The following AEBP1 variants were observed in gnomAD, a reference collection of about 807,000 sequenced individuals.
AEBP1 encodes the protein AE binding protein 1, also known as adipocyte enhancer-binding protein 1.
In AEBP1, 69 loss-of-function variants were observed where a neutral mutation model predicts 116.5. That is an observed-to-expected ratio of 0.59 (90% confidence interval 0.49 to 0.72). AEBP1 has a LOEUF of 0.72. Ranked by LOEUF, AEBP1 falls within the 30% of genes least tolerant of loss-of-function variation. AEBP1 has a pLI of 0.00. For missense variants in AEBP1, 1,444 were observed against 1,557.5 expected, an observed-to-expected ratio of 0.93 and a Z score of 1.23; for synonymous variants, 627 against 627.3, an observed-to-expected ratio of 1.00 and a Z score of 0.01.
chr7:44,104,650 C>A lies in AEBP1; in HGVS notation c.-16C>A, dbSNP rs1441482110. 14 of 1,445,240 alleles carry A rather than the reference C, an allele frequency of 9.7e-6. No homozygotes were observed. The highest frequency in any genetic ancestry group is 3.0e-5 in the African/African-American group (2 of 66,826). The allele number at this position is 1,445,240 out of a possible 1,614,324, so 89.5% of individuals were successfully genotyped here. A position where few individuals can be genotyped will look rare whatever the true frequency, so the allele number is the denominator to read the frequency against. On this transcript the variant is annotated 5_prime_UTR_variant, in exon 1 of 21. Coordinates refer to ENST00000223357, the MANE Select transcript of AEBP1 (RefSeq NM_001129.5). The stretch of plus-strand genomic sequence containing the variant: ...CCCCCGCGCCCTCCCCGGAGCCCCC[C>A]GCGCGTGCCGCGGCCATGGCGGCCG...
chr7:44,106,830 G>C lies in AEBP1; in HGVS notation c.538G>C (p.Glu180Gln), dbSNP rs1286964324. 1 of 1,608,476 alleles carries C rather than the reference G, an allele frequency of 6.2e-7. No homozygotes were observed. The stretch of plus-strand genomic sequence containing the variant: ...CATTCTGGCTCCCTCAGAAACCCTG[G>C]AGTGGCCACTGCCCCCACCCCCCAG... ...PPILAPSETL[E>Q]WPLPPPPSPG... The change falls in exon 2 of 21, where the codon GAG (glutamate) becomes CAG (glutamine). Residue 180 changes from glutamate (E) to glutamine (Q), a missense_variant. Transcript: ENST00000223357.
chr7:44,113,926 A>G lies in AEBP1; in HGVS notation c.3142A>G (p.Thr1048Ala). 14 of 1,613,544 alleles carry G rather than the reference A, an allele frequency of 8.7e-6. No individual in the cohort carries two copies. Among genetic ancestry groups the G allele is most frequent in the Non-Finnish European group, 1.2e-5 (14 of 1,179,914 alleles). The change falls in exon 21 of 21, where the codon ACT becomes GCT. Residue 1048 changes from threonine to alanine, a missense_variant. Physicochemically the swap from Thr to Ala is moderately conservative, Grantham distance 58. Coordinates refer to ENST00000223357, the MANE Select transcript of AEBP1 (RefSeq NM_001129.5). The surrounding 1 kb of genome is among the most constrained non-coding windows in gnomAD (Gnocchi z 5.3). ...CGCCACCACCACCCTAGGCCCCCAC[A>G]CTGTGCCTCCCACGCTGCCCCCTGC... ...LNATTTLGPHTVPPTLPPAPA... is the reference protein window; with the variant it reads ...LNATTTLGPHAVPPTLPPAPA...
chr7:44,112,003 C>A lies in AEBP1; in HGVS notation c.1990C>A (p.Leu664Met). The A allele has an allele frequency of 6.2e-7, 1 of 1,613,794 alleles. No homozygotes were observed. The highest frequency in any genetic ancestry group is 8.5e-7 in the Non-Finnish European group (1 of 1,179,996). Residue 664 changes from leucine to methionine, a missense_variant, in exon 16 of 21, where the codon CTG becomes ATG. Transcript: ENST00000223357. This position sits in a 1 kb window ranked among gnomAD's most constrained non-coding sequence, Gnocchi z 6.6. ...RSLVQDTRIH[L>M]VPSLNPDGYE... ...CCTGGTGCAGGACACACGCATCCAC[C>A]TGGTGCCCTCACTGAACCCTGATGG...
At chr7:44,106,466 G>C (rs886975782) in intron 1 of AEBP1, 80 bp from the exon 2 acceptor site, 1 of 1,383,022 alleles carries the variant, frequency 7.2e-7, no homozygotes, top group South Asian at 1.4e-5. Context: ...CTGTGCCCAG[G>C]TTCTGGGCAT....
rs2096230276 is a variant in AEBP1 at position 44,112,226 on chromosome 7, G to A, written c.2122G>A (p.Val708Met). The A allele has an allele frequency of 2.5e-6, 4 of 1,609,156 alleles. No individual in the cohort carries two copies. Among genetic ancestry groups the A allele is most frequent in the Non-Finnish European group, 8.5e-7 (1 of 1,176,140 alleles). Residue 708 changes from valine (V) to methionine (M), a missense_variant, in exon 17 of 21, where the codon GTG becomes ATG. Coordinates refer to ENST00000223357, the MANE Select transcript of AEBP1 (RefSeq NM_001129.5). This position sits in a 1 kb window ranked among gnomAD's most constrained non-coding sequence, Gnocchi z 6.6. The stretch of plus-strand genomic sequence containing the variant: ...TGAAGATTTCCCGGATCTCAACTCT[G>A]TGCTCTGGGGAGCTGAGGAGAGGAA... ...IFEDFPDLNS[V>M]LWGAEERKWV... is the part of the protein sequence containing the mutation.
At chr7:44,106,935 G>T in intron 2 of AEBP1, 48 bp downstream of exon 2, 2 of 1,403,362 alleles carry the variant, frequency 1.4e-6, no homozygotes, top group African/African-American at 1.5e-5. Context: ...CTGCCTGCTC[G>T]GGTGGAGGCA....
chr7:44,111,974 GCA>G lies in AEBP1; in HGVS notation c.1962_1963del (p.Ser655ProfsTer16), dbSNP rs1562688118. 2.8e-5 allele frequency: 45 copies of G among 1,613,702 alleles called. 1 individual carries two copies. Among genetic ancestry groups the G allele is most frequent in the Non-Finnish European group, 3.6e-5 (43 of 1,180,032 alleles). On this transcript the variant is annotated frameshift_variant, in exon 16 of 21. Coordinates refer to ENST00000223357, the MANE Select transcript of AEBP1 (RefSeq NM_001129.5). LOFTEE classifies it high-confidence loss of function. The surrounding 1 kb of genome is among the most constrained non-coding windows in gnomAD (Gnocchi z 4.7). ...TACCGCGATGGGAACCCACGTGTGC[GCA>G]GCCTGGTGCAGGACACACGCATCCA... is the stretch of plus-strand genomic sequence containing the variant.
At chr7:44,109,628 C>T (rs2096226765) in intron 9 of AEBP1, 1 of 582,826 alleles carries the variant, frequency 1.7e-6, no homozygotes, top group Non-Finnish European at 3.1e-6. Context: ...GAGTGAGGAC[C>T]TCAGGTACCT....
Position 44,106,870 on chromosome 7 carries a change from A to C in AEBP1, c.578A>C (p.Glu193Ala). Reference sequence around the variant, plus strand: ...CCACCCCCCAGCCCTGGCCCCGAGGAGCTACCCCAGGAGGGAGGTTTGTGC... The same window carrying C: ...CCACCCCCCAGCCCTGGCCCCGAGGCGCTACCCCAGGAGGGAGGTTTGTGC... ...LPPPPSPGPE[E>A]LPQEGGAPLS... The change falls in exon 2 of 21, where the codon GAG becomes GCG. Residue 193 changes from glutamate to alanine, a missense_variant. Physicochemically the swap from Glu to Ala is moderately radical, Grantham distance 107 (BLOSUM62 -1). Transcript: ENST00000223357. The C allele has an allele frequency of 6.3e-7, 1 of 1,585,184 alleles. No homozygotes were observed. The highest frequency in any genetic ancestry group is 8.6e-7 in the Non-Finnish European group (1 of 1,168,010).
rs2096223963 is a variant in AEBP1, at chr7:44,107,338, C to T, written c.596-101C>T. 5.8e-6 allele frequency: 7 copies of T among 1,210,696 alleles called. No homozygotes were observed. The highest frequency in any genetic ancestry group is 2.5e-5 in the South Asian group (2 of 79,444). 75.0% of individuals were successfully genotyped at this position (1,210,696 alleles called of 1,614,324 possible). On this transcript the variant is annotated intron_variant, in intron 2 of 20. Transcript: ENST00000223357. The surrounding 1 kb of genome is among the most constrained non-coding windows in gnomAD (Gnocchi z 4.3). ...GAGCTCGGCCTCAGGAGGGTGTCCA[C>T]AGGCTCTGTGTGGGCTCTATGGGTG...
Position 44,113,540 on chromosome 7 carries a change from G to C in AEBP1, c.2810-54G>C, listed in dbSNP as rs2096232523. 6.6e-7 allele frequency: 1 copy of C among 1,509,642 alleles called. No homozygotes were observed. The highest frequency in any genetic ancestry group is 8.8e-7 in the Non-Finnish European group (1 of 1,130,944). The allele number at this position is 1,509,642 out of a possible 1,614,324, so 93.5% of individuals were successfully genotyped here. On this transcript the variant is annotated intron_variant, in intron 20 of 20. Coordinates refer to ENST00000223357, the MANE Select transcript of AEBP1 (RefSeq NM_001129.5). This position sits in a 1 kb window ranked among gnomAD's most constrained non-coding sequence, Gnocchi z 5.3. ...GGCTGGGGGCAGGACTGAGTGGGAGGGTGGGGGCCTGGGAGGGGCGCTCTG... is the reference window on the plus strand; with the variant it reads ...GGCTGGGGGCAGGACTGAGTGGGAGCGTGGGGGCCTGGGAGGGGCGCTCTG...
chr7:44,111,459 G>C lies in AEBP1; in HGVS notation c.1717-48G>C, dbSNP rs564648794. On this transcript the variant is annotated intron_variant, in intron 14 of 20. Transcript: ENST00000223357. The surrounding 1 kb of genome is among the most constrained non-coding windows in gnomAD (Gnocchi z 4.7). ...TGGAAGTGGAAGGGGCATGGTCAGC[G>C]GGGGACGGATTGCATGATTGATTCC... The C allele has an allele frequency of 1.3e-6, 2 of 1,541,232 alleles. No individual in the cohort carries two copies. The highest frequency in any genetic ancestry group is 2.3e-5 in the East Asian group (1 of 43,932).
In AEBP1 at chr7:44,114,520, G is replaced by A; in HGVS notation, c.*259G>A. On this transcript the variant is annotated 3_prime_UTR_variant, in exon 21 of 21. Transcript: ENST00000223357. ...CTGCAGTGTTGGAGTAGGGGCAGAG[G>A]GAGGGAGCCAAGGTCACTCCAATAA... The A allele has an allele frequency of 1.6e-6, 1 of 619,222 alleles. No individual in the cohort carries two copies. The allele number at this position is 619,222 out of a possible 1,614,324, so 38.4% of individuals were successfully genotyped here. A position where few individuals can be genotyped will look rare whatever the true frequency, so the allele number is the denominator to read the frequency against.
intron 1 of AEBP1, 138 bp downstream of exon 1, chr7:44,105,056 G>T (rs1472936435): frequency 1.2e-6 from 1 of 814,872 alleles, no homozygotes; most frequent in Non-Finnish European, 1.9e-6. Flanking sequence ...GAGCCCAGAT[G>T]CCTGGAGGGA....
At position 44,112,654 on chromosome 7, in the gene AEBP1, C is replaced by T. The variant is rs1348320432; in HGVS notation, c.2314C>T (p.Pro772Ser). Reference protein sequence around the residue: ...LNGGERLVSYPYDMARTPTQE... With the variant: ...LNGGERLVSYSYDMARTPTQE... Reference sequence around the variant, plus strand: ...CGGCGGCGAGCGGCTAGTATCCTACCCCTACGATATGGCCCGCACGCCTAC... The same window carrying T: ...CGGCGGCGAGCGGCTAGTATCCTACTCCTACGATATGGCCCGCACGCCTAC... The change falls in exon 18 of 21, where the codon CCC becomes TCC. Residue 772 changes from proline to serine, a missense_variant. Physicochemically the swap from Pro to Ser is moderately conservative, Grantham distance 74 (BLOSUM62 -1). Transcript: ENST00000223357. The surrounding 1 kb of genome is among the most constrained non-coding windows in gnomAD (Gnocchi z 6.6). The T allele has an allele frequency of 2.5e-6, 4 of 1,613,210 alleles. No individual in the cohort carries two copies. Among genetic ancestry groups the T allele is most frequent in the Non-Finnish European group, 8.5e-7 (1 of 1,179,990 alleles).
chr7:44,107,023 C>T lies in AEBP1; in HGVS notation c.595+136C>T. On this transcript the variant is annotated intron_variant, in intron 2 of 20. Transcript: ENST00000223357. This position sits in a 1 kb window ranked among gnomAD's most constrained non-coding sequence, Gnocchi z 4.3. ...CCACTGGATGGGAACCTCACTTTTG[C>T]TATAAATTTCACAATTTGATTGGTG... 1 of 714,282 alleles carries T rather than the reference C, an allele frequency of 1.4e-6. No homozygotes were observed. Among genetic ancestry groups the T allele is most frequent in the Non-Finnish European group, 2.3e-6 (1 of 441,404 alleles). 44.2% of individuals were successfully genotyped at this position (714,282 alleles called of 1,614,324 possible).
Position 44,104,763 on chromosome 7 carries a change from A to G in AEBP1, c.98A>G (p.Glu33Gly). ...GRPQTVLTDD[E>G]IEEFLEGFLS... ...CCGCAGACGGTGCTGACCGACGACG[A>G]GATCGAGGAGTTCCTCGAGGGCTTC... The change falls in exon 1 of 21, where the codon GAG becomes GGG. Residue 33 changes from glutamate (E) to glycine (G), a missense_variant. Transcript: ENST00000223357. The G allele has an allele frequency of 6.2e-7, 1 of 1,611,598 alleles. No individual in the cohort carries two copies. The highest frequency in any genetic ancestry group is 8.5e-7 in the Non-Finnish European group (1 of 1,179,536).
rs547683214 is a variant in AEBP1, at chr7:44,114,246, C to G, written c.3462C>G (p.Asn1154Lys). The G allele has an allele frequency of 1.9e-6, 3 of 1,613,852 alleles. No individual in the cohort carries two copies. The highest frequency in any genetic ancestry group is 1.1e-5 in the South Asian group (1 of 91,088). Residue 1154 changes from asparagine to lysine, a missense_variant, in exon 21 of 21, where the codon AAC becomes AAG. Asn to Lys is a moderately conservative substitution (Grantham distance 94). Coordinates refer to ENST00000223357, the MANE Select transcript of AEBP1 (RefSeq NM_001129.5). Reference sequence around the variant, plus strand: ...CAACAGTAGAGACCTACACAGTGAACTTTGGGGACTTCTGAGATCAGCGTC... The same window carrying G: ...CAACAGTAGAGACCTACACAGTGAAGTTTGGGGACTTCTGAGATCAGCGTC... ...PFTTVETYTV[N>K]FGDF
In AEBP1 at chr7:44,113,756, G is replaced by A. The variant is rs2096232981; in HGVS notation, c.2972G>A (p.Arg991Gln). 1 of 1,613,972 alleles carries A rather than the reference G, an allele frequency of 6.2e-7. No homozygotes were observed. The highest frequency in any genetic ancestry group is 1.7e-5 in the Admixed American group (1 of 59,994). ...GCTCGCTCCAACTGGAAGCGCATCC[G>A]GGAGATCATGGCCATGAACGGGAAC... ...ILARSNWKRI[R>Q]EIMAMNGNRP... is the part of the protein sequence containing the mutation. The change falls in exon 21 of 21, where the codon CGG becomes CAG. Residue 991 changes from arginine (R) to glutamine (Q), a missense_variant. Physicochemically the swap from Arg to Gln is conservative, Grantham distance 43. Transcript: ENST00000223357. This position sits in a 1 kb window ranked among gnomAD's most constrained non-coding sequence, Gnocchi z 5.3.
Sources: allele counts gnomAD v4.1 joint callset, GRCh38; gene constraint gnomAD v4.1.1; non-coding constraint Gnocchi (gnomAD v3.1); transcripts MANE v1.5; gene names NCBI Gene and HGNC (gene_info 2026-07-23, HGNC 2026-07-21).